CCNO: variants seen among roughly 807,000 people sequenced by gnomAD.
CCNO encodes cyclin-O.
Under a neutral mutation model 23.9 loss-of-function variants are expected in CCNO, and 24 were observed. The observed-to-expected ratio is 1.00, with a 90% confidence interval of 0.73 to 1.41. The LOEUF (loss-of-function observed/expected upper bound fraction) is 1.41, where lower values mean the gene tolerates loss of function less well. CCNO is among the 40% of genes most tolerant of loss of function. CCNO has a pLI of 0.00. For synonymous variants in CCNO, 241 were observed against 225.7 expected, an observed-to-expected ratio of 1.07 and a Z score of -0.61; for missense variants, 542 against 476.2, an observed-to-expected ratio of 1.14 and a Z score of -1.29.
chr5:55,233,138 C>G lies in CCNO; in HGVS notation c.381+5G>C. ...GGCGTGGAGCTGGCTCTACCAGCAC[C>G]TCACTTGTGGCTGCCGTGCCAGCGC... On this transcript the variant is annotated splice_donor_5th_base_variant and intron_variant, in intron 1 of 2. Coordinates refer to ENST00000282572, the MANE Select transcript of CCNO (RefSeq NM_021147.5). 1 of 1,541,300 alleles carries G rather than the reference C, an allele frequency of 6.5e-7. No homozygotes were observed. Among genetic ancestry groups the G allele is most frequent in the Non-Finnish European group, 8.7e-7 (1 of 1,146,350 alleles).
rs1299590826 is a variant in CCNO at position 55,232,529 on chromosome 5, G to C, written c.399C>G (p.Arg133=). The change falls in exon 2 of 3, where the codon CGC becomes CGG. Residue 133 remains arginine, a synonymous_variant. Coordinates refer to ENST00000282572, the MANE Select transcript of CCNO (RefSeq NM_021147.5). ...GGATCAGCCAGCTGAGCAGCTTACA[G>C]CGGGATTCCGCCGTCACCTGCCGGG... ...ARQPQVTAES[R]CKLLSWLIPV... 1 of 1,613,388 alleles carries C rather than the reference G, an allele frequency of 6.2e-7. No homozygotes were observed. The highest frequency in any genetic ancestry group is 1.3e-5 in the African/African-American group (1 of 74,956).
chr5:55,231,651 T>C lies in CCNO; in HGVS notation c.777A>G (p.Gln259=), dbSNP rs1423095586. The change falls in exon 3 of 3, where the codon CAA becomes CAG. Residue 259 remains glutamine (Q), a synonymous_variant. Transcript: ENST00000282572. ...GCTCTGCCACCCCCCGCGCCAGGGC[T>C]TGCGCTTCCAGAGCTTCGGAGGCCT... The part of the protein sequence containing the change: ...QAEASEALEA[Q]ALARGVAELS... The C allele has an allele frequency of 6.3e-7, 1 of 1,585,520 alleles. No individual in the cohort carries two copies. The highest frequency in any genetic ancestry group is 1.1e-5 in the South Asian group (1 of 88,304).
chr5:55,232,393 C>T lies in CCNO; in HGVS notation c.535G>A (p.Gly179Arg). The T allele has an allele frequency of 6.2e-7, 1 of 1,613,980 alleles. No individual in the cohort carries two copies. The highest frequency in any genetic ancestry group is 1.3e-5 in the African/African-American group (1 of 75,036). The change falls in exon 2 of 3, where the codon GGG becomes AGG. Residue 179 changes from glycine (G) to arginine (R), a missense_variant. Coordinates refer to ENST00000282572, the MANE Select transcript of CCNO (RefSeq NM_021147.5). ...PVAADCFQLL[G>R]VTSLLIACKQ... Reference sequence around the variant, plus strand: ...CAAGCGATGAGCAAGGAGGTGACCCCAAGCAGCTGGAAGCAGTCTGCAGCC... The same window carrying T: ...CAAGCGATGAGCAAGGAGGTGACCCTAAGCAGCTGGAAGCAGTCTGCAGCC...
At chr5:55,232,886 G>A (rs905652293) in intron 1 of CCNO, 4 of 589,776 alleles carry the variant, frequency 6.8e-6, no homozygotes, top group East Asian at 5.6e-5. Flanking sequence ...GACTCAACCC[G>A]GAAACGAATT....
rs535119119 is a variant in CCNO at position 55,232,446 on chromosome 5, A to G, written c.482T>C (p.Leu161Pro). 2 of 1,614,080 alleles carry G rather than the reference A, an allele frequency of 1.2e-6. No individual in the cohort carries two copies. The highest frequency in any genetic ancestry group is 1.7e-6 in the Non-Finnish European group (2 of 1,180,038). ...FESLCLTVNT[L>P]DRFLTTTPVA... is the part of the protein sequence containing the mutation. ...CGGCGTGGTGGTGAGGAAGCGGTCCAGAGTGTTCACCGTCAGGCACAGCGA... is the reference window on the plus strand; with the variant it reads ...CGGCGTGGTGGTGAGGAAGCGGTCCGGAGTGTTCACCGTCAGGCACAGCGA... The change falls in exon 2 of 3, where the codon CTG (leucine) becomes CCG (proline). Residue 161 changes from leucine (L) to proline (P), a missense_variant. Coordinates refer to ENST00000282572, the MANE Select transcript of CCNO (RefSeq NM_021147.5).
At chr5:55,233,093 G>C (rs1262399544) in intron 1 of CCNO, 50 bp downstream of exon 1, 1 of 1,519,662 alleles carries the variant, frequency 6.6e-7, no homozygotes. Context: ...GAGAGAGCCT[G>C]GGAGGAGAGG....
Position 55,233,457 on chromosome 5 carries a change from G to T in CCNO, c.67C>A (p.Gln23Lys). The T allele has an allele frequency of 1.2e-6, 2 of 1,602,992 alleles. No homozygotes were observed. The highest frequency in any genetic ancestry group is 8.5e-7 in the Non-Finnish European group (1 of 1,175,354). Residue 23 changes from glutamine to lysine, a missense_variant, in exon 1 of 3, where the codon CAG (glutamine) becomes AAG (lysine). Transcript: ENST00000282572. ...AARAGRRDND[Q>K]NLRAPVKKSR... ...TTCTTCACCGGGGCGCGAAGGTTCT[G>T]GTCGTTGTCCCGCCTCCCCGCTCGG...
Position 55,233,538 on chromosome 5 carries a change from G to C in CCNO, c.-15C>G. ...GGGGTCACCATGATGCGGCCGGGTG[G>C]CCGCTTTACTACCTTCAACGCCCGG... is the stretch of plus-strand genomic sequence containing the variant. On this transcript the variant is annotated 5_prime_UTR_variant, in exon 1 of 3. Coordinates refer to ENST00000282572, the MANE Select transcript of CCNO (RefSeq NM_021147.5). 6.5e-7 allele frequency: 1 copy of C among 1,534,580 alleles called. No individual in the cohort carries two copies. The highest frequency in any genetic ancestry group is 1.2e-5 in the South Asian group (1 of 82,316).
Position 55,231,470 on chromosome 5 carries a change from A to G in CCNO, c.958T>C (p.Leu320=). The change falls in exon 3 of 3, where the codon TTG becomes CTG. Residue 320 remains leucine (L), a synonymous_variant. Coordinates refer to ENST00000282572, the MANE Select transcript of CCNO (RefSeq NM_021147.5). ...EAALEDCMGK[L]QLLVAINSTS... ...CTGTTTATGGCCACCAGCAGCTGCA[A>G]CTTGCCCATACAGTCCTCCAGCGCC... The G allele has an allele frequency of 1.2e-6, 2 of 1,614,138 alleles. No homozygotes were observed. Among genetic ancestry groups the G allele is most frequent in the East Asian group, 2.2e-5 (1 of 44,890 alleles).
intron 1 of CCNO, 149 bp downstream of exon 1, chr5:55,232,994 G>A (rs1225361838): frequency 9.0e-6 from 7 of 774,580 alleles, no homozygotes; most frequent in East Asian, 2.8e-5. Context: ...GGCCGGTGAC[G>A]CCCCTCCACG....
At position 55,231,533 on chromosome 5, in the gene CCNO, G is replaced by T. The variant is rs538637609; in HGVS notation, c.895C>A (p.Arg299=). The change falls in exon 3 of 3, where the codon CGG becomes AGG. Residue 299 remains arginine (R), a synonymous_variant. Transcript: ENST00000282572. ...TCTCCCAGTCGCAAGTCCACGGGCC[G>T]CGAGACCCGCAGCATGCGGTCCGCC... The part of the protein sequence containing the change: ...ALADRMLRVS[R]PVDLRLGDHP... The T allele has an allele frequency of 1.8e-5, 29 of 1,613,448 alleles. No individual in the cohort carries two copies. Among genetic ancestry groups the T allele is most frequent in the Non-Finnish European group, 2.3e-5 (27 of 1,180,008 alleles).
chr5:55,233,156 G>T lies in CCNO; in HGVS notation c.368C>A (p.Ala123Glu). 6.5e-7 allele frequency: 1 copy of T among 1,544,428 alleles called. No individual in the cohort carries two copies. The highest frequency in any genetic ancestry group is 1.2e-5 in the South Asian group (1 of 84,006). Residue 123 changes from alanine (A) to glutamate (E), a missense_variant, in exon 1 of 3, where the codon GCA becomes GAA. By Grantham distance (107) the Ala-to-Glu change is moderately radical. Coordinates refer to ENST00000282572, the MANE Select transcript of CCNO (RefSeq NM_021147.5). ...ESHFHPREAL[A>E]RQPQVTAESR... The stretch of plus-strand genomic sequence containing the variant: ...CCAGCACCTCACTTGTGGCTGCCGT[G>T]CCAGCGCCTCCCGCGGGTGGAAGTG...
chr5:55,231,370 CTGTT>C lies in CCNO; in HGVS notation c.*1_*4del. ...CAGGGACTAAAAGGAAACGAAGGAT[CTGTT>C]TTATTTCGAGCTCGGGGGCAGGCTG... On this transcript the variant is annotated 3_prime_UTR_variant, in exon 3 of 3. Transcript: ENST00000282572. 2.5e-6 allele frequency: 4 copies of C among 1,612,826 alleles called. No individual in the cohort carries two copies. Among genetic ancestry groups the C allele is most frequent in the Non-Finnish European group, 3.4e-6 (4 of 1,178,984 alleles).
chr5:55,233,100 G>A (rs764379269), intron 1 of CCNO, 43 bp downstream of exon 1: 3 of 1,523,572 alleles, frequency 2.0e-6, no homozygotes, highest in Admixed American at 2.1e-5. Context: ...CCTGGGAGGA[G>A]AGGAAGAGCG....
chr5:55,233,060 G>A, intron 1 of CCNO, 83 bp downstream of exon 1: 1 of 1,438,752 alleles, frequency 7.0e-7, no homozygotes. Context: ...CCGGGCGCTC[G>A]GAGGGCCGAG....
Position 55,232,481 on chromosome 5 carries a change from G to T in CCNO, c.447C>A (p.Leu149=), listed in dbSNP as rs747533134. The change falls in exon 2 of 3, where the codon CTC becomes CTA. Residue 149 remains leucine (L), a synonymous_variant. Coordinates refer to ENST00000282572, the MANE Select transcript of CCNO (RefSeq NM_021147.5). The part of the protein sequence containing the change: ...WLIPVHRQFG[L]SFESLCLTVN... ...CCGTCAGGCACAGCGACTCGAAGGA[G>T]AGGCCGAATTGGCGGTGCACCGGGA... 12 of 1,613,988 alleles carry T rather than the reference G, an allele frequency of 7.4e-6. No individual in the cohort carries two copies. Among genetic ancestry groups the T allele is most frequent in the Non-Finnish European group, 1.0e-5 (12 of 1,180,034 alleles).
chr5:55,232,841 T>G, intron 1 of CCNO: 2 of 586,456 alleles, frequency 3.4e-6, no homozygotes, highest in South Asian at 2.2e-5. Context: ...AGCTCAGGGG[T>G]GTTAAATAAC....
At chr5:55,232,804 G>A in intron 1 of CCNO, 1 of 591,162 alleles carries the variant, frequency 1.7e-6, no homozygotes, top group Non-Finnish European at 3.0e-6. Context: ...GGAAGGGGAG[G>A]GGTTCCATTT....
rs566922203 is a variant in CCNO, at chr5:55,232,714, C to CG, written c.382-169dup. ...GGGAAACGCGTGGGCCGTGCTGAGCCGGAACACCGGGATTGGGACCTGGCG... is the reference window on the plus strand; with the variant it reads ...GGGAAACGCGTGGGCCGTGCTGAGCCGGGAACACCGGGATTGGGACCTGGCG... On this transcript the variant is annotated intron_variant, in intron 1 of 2. Coordinates refer to ENST00000282572, the MANE Select transcript of CCNO (RefSeq NM_021147.5). 3.7e-4 allele frequency: 245 copies of CG among 665,878 alleles called. No homozygotes were observed. The African/African-American group carries it at 4.1e-3, about 11-fold the overall frequency. The allele number at this position is 665,878 out of a possible 1,614,324, so 41.2% of individuals were successfully genotyped here.
Sources: allele counts gnomAD v4.1 joint callset, GRCh38; gene constraint gnomAD v4.1.1; transcripts MANE v1.5; gene names NCBI Gene and HGNC (gene_info 2026-07-23, HGNC 2026-07-21).